APBA2: variants seen among roughly 807,000 people sequenced by gnomAD.
APBA2 encodes the protein amyloid-beta A4 precursor protein-binding family A member 2.
In APBA2, 30 loss-of-function variants were observed where a neutral mutation model predicts 75.0. The ratio of observed to expected loss-of-function variants is 0.40; its 90% CI spans 0.30 to 0.54. APBA2 has a LOEUF of 0.54. Among genes scored for constraint, APBA2 ranks in the 20% least tolerant of loss-of-function variants. The pLI is 0.49. For missense variants in APBA2, 801 were observed against 1,016.1 expected (o/e 0.79, Z 2.88); for synonymous variants, 444 against 409.6 (o/e 1.08, Z -1.01).
At chr15:29,032,716 G>A (rs1352682502) in intron 3 of APBA2, among the ~76,000 whole-genome samples, 2 of 152,268 alleles carry the variant, frequency 1.3e-5, no homozygotes, top group East Asian at 3.9e-4. Flanking sequence ...TATGTTAGTA[G>A]CACTGCCCAG....
At chr15:28,967,654 G>T (rs2152746560) in intron 2 of APBA2, among the ~76,000 whole-genome samples, 1 of 152,232 alleles carries the variant, frequency 6.6e-6, no homozygotes, top group South Asian at 2.1e-4. Flanking sequence ...TAGCCAGGAT[G>T]GTCTCGATCT....
chr15:28,962,442 G>T (rs1055655967), intron 2 of APBA2, among the ~76,000 whole-genome samples: 1 of 152,002 alleles, frequency 6.6e-6, no homozygotes, highest in Non-Finnish European at 1.5e-5. Context: ...GGTGGCGGGC[G>T]CCTGTAGTCC....
chr15:29,045,369 C>T (rs1165318216), intron 3 of APBA2, among the ~76,000 whole-genome samples: 2 of 151,506 alleles, frequency 1.3e-5, no homozygotes, highest in Non-Finnish European at 2.9e-5. Flanking sequence ...GGATTACAGG[C>T]ATGAGCCACC....
chr15:29,066,918 G>A (rs1301374160), intron 4 of APBA2, among the ~76,000 whole-genome samples: 1 of 152,096 alleles, frequency 6.6e-6, no homozygotes, highest in East Asian at 1.9e-4. Flanking sequence ...GGTTTAATTG[G>A]CTGACAGTTC....
Position 29,053,895 on chromosome 15 carries a change from G to A in APBA2, c.11G>A (p.Arg4Gln), listed in dbSNP as rs777078546. The change falls in exon 4 of 15, where the codon CGG (arginine) becomes CAG (glutamine). Residue 4 changes from arginine (R) to glutamine (Q), a missense_variant. Physicochemically the swap from Arg to Gln is conservative, Grantham distance 43. This residue lies in a region of APBA2 where 434 missense variants were observed against 471.6 expected (regional missense o/e 0.92). Coordinates refer to ENST00000683413, the MANE Select transcript of APBA2 (RefSeq NM_001353788.2). ...GTGTGAACGACTGCCATGGCCCACC[G>A]GAAGCTTGAGAGCGTGGGGAGCGGC... MAH[R>Q]KLESVGSGML... 1.2e-5 allele frequency: 19 copies of A among 1,611,092 alleles called. No individual in the cohort carries two copies. Among genetic ancestry groups the A allele is most frequent in the Admixed American group, 3.3e-5 (2 of 59,958 alleles).
In APBA2 at chr15:29,074,148, C is replaced by T. The variant is rs573334673; in HGVS notation, c.952-773C>T. On this transcript the variant is annotated intron_variant, in intron 4 of 14. Coordinates refer to ENST00000683413, the MANE Select transcript of APBA2 (RefSeq NM_001353788.2). Reference sequence around the variant, plus strand: ...CAGTGATTTCACCTCCAGGTATGTACGTAAAGGAAGTGGAAGTGAAGACTC... The same window carrying T: ...CAGTGATTTCACCTCCAGGTATGTATGTAAAGGAAGTGGAAGTGAAGACTC... Among the ~76,000 whole-genome samples, 7 of 152,064 alleles carry T rather than the reference C, an allele frequency of 4.6e-5. No individual in the cohort carries two copies. In the East Asian group the frequency reaches 9.7e-4, roughly 21 times the overall value.
At chr15:28,896,570 C>T (rs1246701896) in intron 1 of APBA2, among the ~76,000 whole-genome samples, 5 of 152,180 alleles carry the variant, frequency 3.3e-5, no homozygotes, top group South Asian at 2.1e-4. Context: ...TGAGCCACCG[C>T]GCCTGGCCTC....
chr15:28,939,037 C>T (rs1174872809), intron 2 of APBA2, among the ~76,000 whole-genome samples: 2 of 152,176 alleles, frequency 1.3e-5, no homozygotes, highest in Non-Finnish European at 2.9e-5. Context: ...CCAGCCCCTC[C>T]CAGCCACCAC....
At chr15:29,002,843 C>T (rs981982051) in intron 3 of APBA2, among the ~76,000 whole-genome samples, 2 of 151,940 alleles carry the variant, frequency 1.3e-5, no homozygotes, top group African/African-American at 4.8e-5. Flanking sequence ...GAAGAGTGCA[C>T]CCTGGGGAGG....
chr15:28,981,556 G>A (rs2037623083), intron 2 of APBA2, among the ~76,000 whole-genome samples: 1 of 152,166 alleles, frequency 6.6e-6, no homozygotes, highest in Non-Finnish European at 1.5e-5. Flanking sequence ...CACACTATTG[G>A]TAGGAATGTA....
intron 3 of APBA2, among the ~76,000 whole-genome samples, chr15:29,016,126 G>A (rs948504144): frequency 5.3e-5 from 8 of 152,122 alleles, no homozygotes; most frequent in Admixed American, 2.0e-4. Context: ...GCATTGTGGC[G>A]CATGCCTGTG....
chr15:28,987,784 C>T (rs1287303977), intron 2 of APBA2, among the ~76,000 whole-genome samples: 1 of 125,966 alleles, frequency 7.9e-6, no homozygotes, highest in South Asian at 3.0e-4. Flanking sequence ...GATGGAGTCT[C>T]ACCACTCTGT....
chr15:28,973,458 T>A (rs555060180), intron 2 of APBA2, among the ~76,000 whole-genome samples: 1 of 152,324 alleles, frequency 6.6e-6, no homozygotes, highest in East Asian at 1.9e-4. Context: ...ATAGTGATTA[T>A]TACTGGTTAT....
At chr15:28,976,116 A>AT (rs1483735120) in intron 2 of APBA2, among the ~76,000 whole-genome samples, 3 of 152,228 alleles carry the variant, frequency 2.0e-5, no homozygotes, top group Non-Finnish European at 4.4e-5. Flanking sequence ...TTTACATTAA[A>AT]TTGATTCCCA....
At chr15:28,969,724 G>C (rs751261122) in intron 2 of APBA2, among the ~76,000 whole-genome samples, 10 of 152,204 alleles carry the variant, frequency 6.6e-5, no homozygotes, top group African/African-American at 1.2e-4. Context: ...TTGCCGCCAG[G>C]ACTGGTGAGG....
At chr15:29,083,530 G>GTTTGT (rs571414195) in intron 6 of APBA2, among the ~76,000 whole-genome samples, 27 of 151,988 alleles carry the variant, frequency 1.8e-4, no homozygotes, top group Non-Finnish European at 3.4e-4. Context: ...AAACTCTTTT[G>GTTTGT]TTTGTTTTGT....
intron 3 of APBA2, among the ~76,000 whole-genome samples, chr15:29,023,826 C>T (rs1005699817): frequency 6.6e-6 from 1 of 151,660 alleles, no homozygotes; most frequent in Non-Finnish European, 1.5e-5. Context: ...GTATAATAAA[C>T]ACAACATATC....
chr15:29,099,387 C>T (rs1161975513), intron 9 of APBA2, among the ~76,000 whole-genome samples: 1 of 152,184 alleles, frequency 6.6e-6, no homozygotes, highest in Non-Finnish European at 1.5e-5. Context: ...GAGCCCTCCC[C>T]GCAGTCACAC....
intron 2 of APBA2, among the ~76,000 whole-genome samples, chr15:28,939,283 C>T (rs948242914): frequency 3.9e-5 from 6 of 152,152 alleles, no homozygotes; most frequent in African/African-American, 7.2e-5. Flanking sequence ...GGGTTGGTTC[C>T]GCCATTTGGA....
Sources: gnomAD v4.1 joint callset for allele counts (sites outside exome capture counted in the v4.1 genomes callset) on GRCh38, gnomAD v4.1.1 for gene constraint, gnomAD v4.1.1 regional missense constraint, MANE v1.5 for transcripts, NCBI Gene and HGNC (gene_info 2026-07-23, HGNC 2026-07-21) for gene names.